The following IL4R variants were observed in gnomAD, a reference collection of about 807,000 sequenced individuals.
The protein encoded by IL4R is interleukin 4 receptor.
A neutral mutation model predicts 41.5 loss-of-function variants in IL4R; 17 were observed. The ratio of observed to expected loss-of-function variants is 0.41; its 90% CI spans 0.28 to 0.61. The LOEUF (loss-of-function observed/expected upper bound fraction) is 0.61. IL4R is among the 20% of genes least tolerant of loss of function. The pLI, the probability that IL4R is intolerant of heterozygous loss-of-function variation, is 0.31. For missense variants in IL4R, 974 were observed against 1,043.1 expected (o/e 0.93, Z 0.91); for synonymous variants, 402 against 422.9 (o/e 0.95, Z 0.61).
chr16:27,351,618 G>A (rs946484931), intron 6 of IL4R, among the ~76,000 whole-genome samples: 15 of 149,568 alleles, frequency 1.0e-4, no homozygotes, highest in African/African-American at 3.7e-4. Context: ...AGGTTCAAAT[G>A]ATTCTTCTGC....
chr16:27,329,404 CAG>C (rs2085051214), intron 1 of IL4R, among the ~76,000 whole-genome samples: 1 of 152,122 alleles, frequency 6.6e-6, no homozygotes, highest in African/African-American at 2.4e-5. Flanking sequence ...AGGCCAGACA[CAG>C]TGGCTCATGC....
rs991472366 is a variant in IL4R, at chr16:27,344,999, T to C, written c.340T>C (p.Ser114Pro). 1.3e-6 allele frequency: 2 copies of C among 1,593,644 alleles called. No individual in the cohort carries two copies. Among genetic ancestry groups the C allele is most frequent in the Non-Finnish European group, 1.7e-6 (2 of 1,168,160 alleles). Reference protein sequence around the residue: ...WAGQQLLWKGSFKPSEHVKPR... With the variant: ...WAGQQLLWKGPFKPSEHVKPR... ...TGGGCAGCAGCTGCTGTGGAAGGGCTCCTTCAAGCCCAGCGAGCATGGTGA... is the reference window on the plus strand; with the variant it reads ...TGGGCAGCAGCTGCTGTGGAAGGGCCCCTTCAAGCCCAGCGAGCATGGTGA... The change falls in exon 5 of 11, where the codon TCC becomes CCC. Residue 114 changes from serine (S) to proline (P), a missense_variant. This residue lies in a region of IL4R where 284 missense variants were observed against 313.4 expected (regional missense o/e 0.91). Transcript: ENST00000395762.
At chr16:27,323,678 T>A (rs1596755383) in intron 1 of IL4R, among the ~76,000 whole-genome samples, 1 of 151,496 alleles carries the variant, frequency 6.6e-6, no homozygotes, top group Admixed American at 6.6e-5. Context: ...TTTTTAGAGA[T>A]AGGGTCTCAC....
chr16:27,351,496 ATCTC>A (rs765001835), intron 6 of IL4R, among the ~76,000 whole-genome samples: 5 of 136,852 alleles, frequency 3.7e-5, no homozygotes, highest in African/African-American at 1.1e-4. Context: ...TCACTGTGCC[ATCTC>A]TCTCTCTCTC....
intron 1 of IL4R, among the ~76,000 whole-genome samples, chr16:27,314,759 G>A (rs2084587121): frequency 6.6e-6 from 1 of 152,130 alleles, no homozygotes; most frequent in South Asian, 2.1e-4. Context: ...ACAATAACCA[G>A]AATCTCCGGG....
chr16:27,355,736 C>G, intron 7 of IL4R, 72 bp from the exon 8 acceptor site: 1 of 1,088,170 alleles, frequency 9.2e-7, no homozygotes, highest in South Asian at 1.3e-5. Flanking sequence ...CCCTGGGTCT[C>G]CAGTCCTGGG....
chr16:27,346,499 C>G lies in IL4R; in HGVS notation c.394C>G (p.His132Asp). Residue 132 changes from histidine (H) to aspartate (D), a missense_variant, in exon 6 of 11, where the codon CAC becomes GAC. Around this residue, in one of 3 missense-constraint regions of IL4R, gnomAD observed 284 missense variants for 313.4 expected, o/e 0.91. Transcript: ENST00000395762. ...CAGGGCCCCAGGAAACCTGACAGTTCACACCAATGTCTCCGACACTCTGCT... is the reference window on the plus strand; with the variant it reads ...CAGGGCCCCAGGAAACCTGACAGTTGACACCAATGTCTCCGACACTCTGCT... ...KPRAPGNLTVHTNVSDTLLLT... is the reference protein window; with the variant it reads ...KPRAPGNLTVDTNVSDTLLLT... 6.2e-7 allele frequency: 1 copy of G among 1,614,186 alleles called. No homozygotes were observed. The highest frequency in any genetic ancestry group is 8.5e-7 in the Non-Finnish European group (1 of 1,180,020).
At chr16:27,356,501 GGTGCAGGCCAGA>G (rs1207491476) in intron 8 of IL4R, among the ~76,000 whole-genome samples, 1 of 152,154 alleles carries the variant, frequency 6.6e-6, no homozygotes, top group Non-Finnish European at 1.5e-5. Context: ...ACTAGACCAG[GGTGCAGGCCAGA>G]GATCTTCTGG....
intron 1 of IL4R, among the ~76,000 whole-genome samples, chr16:27,324,591 A>G (rs1217676921): frequency 6.6e-6 from 1 of 152,204 alleles, no homozygotes; most frequent in Non-Finnish European, 1.5e-5. Context: ...TGCCACAAAG[A>G]TTGCAGAGAA....
chr16:27,357,532 C>T (rs776706631), intron 8 of IL4R, among the ~76,000 whole-genome samples: 2 of 152,136 alleles, frequency 1.3e-5, no homozygotes, highest in African/African-American at 2.4e-5. Flanking sequence ...GGTGCGATCT[C>T]GACTCACTGC....
At chr16:27,346,982 A>C (rs1354725031) in intron 6 of IL4R, among the ~76,000 whole-genome samples, 1 of 152,234 alleles carries the variant, frequency 6.6e-6, no homozygotes, top group Non-Finnish European at 1.5e-5. Context: ...CTGACTCAAG[A>C]GACAGTGACC....
At chr16:27,319,135 G>T (rs750777052) in intron 1 of IL4R, among the ~76,000 whole-genome samples, 11 of 152,148 alleles carry the variant, frequency 7.2e-5, no homozygotes, top group Non-Finnish European at 1.3e-4. Context: ...AGAGTGCAAA[G>T]GCCCAGAGGC....
upstream of IL4R, chr16:27,313,964 G>T: frequency 1.0e-6 from 1 of 984,842 alleles, no homozygotes; most frequent in Non-Finnish European, 1.2e-6. Flanking sequence ...GGGCCACCCA[G>T]GGGTCCCCCA....
chr16:27,314,142 C>T (rs962999229), intron 1 of IL4R, 122 bp downstream of exon 1: 5 of 847,522 alleles, frequency 5.9e-6, no homozygotes, highest in Non-Finnish European at 7.1e-6. Flanking sequence ...CGACTCCGAG[C>T]GGGGCCCGAG....
In IL4R at chr16:27,344,896, C is replaced by G. The variant is rs145184963; in HGVS notation, c.237C>G (p.Asn79Lys). 6.2e-7 allele frequency: 1 copy of G among 1,614,038 alleles called. No homozygotes were observed. Among genetic ancestry groups the G allele is most frequent in the Admixed American group, 1.7e-5 (1 of 60,006 alleles). The change falls in exon 5 of 11, where the codon AAC becomes AAG. Residue 79 changes from asparagine to lysine, a missense_variant. Asn to Lys is a moderately conservative substitution (Grantham distance 94, BLOSUM62 0). Transcript: ENST00000395762. ...SEAHTCIPENNGGAGCVCHLL... is the reference protein window; with the variant it reads ...SEAHTCIPENKGGAGCVCHLL... ...CCCACACGTGTATCCCTGAGAACAACGGAGGCGCGGGGTGCGTGTGCCACC... is the reference window on the plus strand; with the variant it reads ...CCCACACGTGTATCCCTGAGAACAAGGGAGGCGCGGGGTGCGTGTGCCACC...
chr16:27,333,427 T>A (rs1215162760), intron 2 of IL4R, among the ~76,000 whole-genome samples: 1 of 152,066 alleles, frequency 6.6e-6, no homozygotes, highest in East Asian at 1.9e-4. Context: ...ACTGGTATAC[T>A]GGAATCCACG....
At chr16:27,341,115 G>A (rs1330757566) in intron 3 of IL4R, 2 of 689,958 alleles carry the variant, frequency 2.9e-6, no homozygotes, top group Admixed American at 2.0e-5. Flanking sequence ...GTGGAAGCCA[G>A]GAGGTCTGGA....
In IL4R at chr16:27,355,814, G is replaced by C. The variant is rs752509609; in HGVS notation, c.677G>C (p.Arg226Thr). ...CTTCCCCTCCCACTTCCAGCCTACAGGGAGCCCTTCGAGCAGCACCTCCTG... is the reference window on the plus strand; with the variant it reads ...CTTCCCCTCCCACTTCCAGCCTACACGGAGCCCTTCGAGCAGCACCTCCTG... ...SPSTKWHNSY[R>T]EPFEQHLLLG... is the part of the protein sequence containing the mutation. The change falls in exon 8 of 11, where the codon AGG (arginine) becomes ACG (threonine). Residue 226 changes from arginine (R) to threonine (T), a missense_variant. Around this residue, in one of 3 missense-constraint regions of IL4R, gnomAD observed 284 missense variants for 313.4 expected, o/e 0.91. Coordinates refer to ENST00000395762, the MANE Select transcript of IL4R (RefSeq NM_000418.4). The C allele has an allele frequency of 6.2e-7, 1 of 1,612,570 alleles. No homozygotes were observed. The highest frequency in any genetic ancestry group is 8.5e-7 in the Non-Finnish European group (1 of 1,179,252).
chr16:27,345,161 T>A lies in IL4R; in HGVS notation c.361+141T>A, dbSNP rs753878304. 2 of 923,390 alleles carry A rather than the reference T, an allele frequency of 2.2e-6. No individual in the cohort carries two copies. Among genetic ancestry groups the A allele is most frequent in the East Asian group, 5.2e-5 (2 of 38,202 alleles). The allele number at this position is 923,390 out of a possible 1,614,324, so 57.2% of individuals were successfully genotyped here. A position where few individuals can be genotyped will look rare whatever the true frequency, so the allele number is the denominator to read the frequency against. Reference sequence around the variant, plus strand: ...CTGTATTTTCCCAAATCTGATGGGATTCCTGCCCCTGCCTGGGCCTCAGTC... The same window carrying A: ...CTGTATTTTCCCAAATCTGATGGGAATCCTGCCCCTGCCTGGGCCTCAGTC... On this transcript the variant is annotated intron_variant, in intron 5 of 10. Transcript: ENST00000395762. The surrounding 1 kb of genome is among the most constrained non-coding windows in gnomAD (Gnocchi z 4.5).
Sources: gnomAD v4.1 joint callset for allele counts (sites outside exome capture counted in the v4.1 genomes callset) on GRCh38, gnomAD v4.1.1 for gene constraint, gnomAD v4.1.1 regional missense constraint, Gnocchi (gnomAD v3.1) non-coding constraint, MANE v1.5 for transcripts, NCBI Gene and HGNC (gene_info 2026-07-23, HGNC 2026-07-21) for gene names.